The following FASN variants were observed in gnomAD, a reference collection of about 807,000 sequenced individuals.
FASN encodes the protein fatty acid synthase.
Under a neutral mutation model 250.0 loss-of-function variants are expected in FASN, and 50 were observed. The ratio of observed to expected loss-of-function variants is 0.20; its 90% confidence interval spans 0.16 to 0.25. FASN has a LOEUF of 0.25. Ranked by LOEUF, FASN falls within the 10% of genes least tolerant of loss-of-function variation. FASN has a pLI of 1.00. For synonymous variants in FASN, 1,909 were observed against 1,584.0 expected, an observed-to-expected ratio of 1.21 and a Z score of -4.87; for missense variants, 3,031 against 3,498.5, an observed-to-expected ratio of 0.87 and a Z score of 3.37.
chr17:82,085,580 G>A lies in FASN; in HGVS notation c.4024C>T (p.Leu1342=). Residue 1342 remains leucine, a synonymous_variant, in exon 23 of 43, where the codon CTG becomes TTG. Coordinates refer to ENST00000306749, the MANE Select transcript of FASN (RefSeq NM_004104.5). ...CCCCGGAGCAGTGTGTGCAGGAGCA[G>A]AAAGCCCCCTTCTCTCAGGGCAGCC... ...MVAALREGGF[L]LLHTLLRGHP... The A allele has an allele frequency of 6.3e-7, 1 of 1,596,770 alleles. No homozygotes were observed. Among genetic ancestry groups the A allele is most frequent in the Non-Finnish European group, 8.5e-7 (1 of 1,172,478 alleles).
At chr17:82,096,550 G>T in intron 1 of FASN, 98 bp from the exon 2 acceptor site, 1 of 1,569,564 alleles carries the variant, frequency 6.4e-7, no homozygotes, top group South Asian at 1.1e-5. Context: ...ATGGGGCCAA[G>T]CACCACCCTG....
At position 82,088,252 on chromosome 17, in the gene FASN, G is replaced by T. The variant is rs200281530; in HGVS notation, c.2649C>A (p.Arg883=). 6.2e-7 allele frequency: 1 copy of T among 1,607,198 alleles called. No homozygotes were observed. Among genetic ancestry groups the T allele is most frequent in the South Asian group, 1.1e-5 (1 of 91,082 alleles). ...GGTAGCCAGTGGCGGGGAAGAGGAC[G>T]CGACCGTCGAGGGTGTGGTCCACCA... ...HYLVDHTLDG[R]VLFPATGYLS... Residue 883 remains arginine (R), a synonymous_variant, in exon 17 of 43, where the codon CGC becomes CGA. Transcript: ENST00000306749.
In FASN at chr17:82,092,126, G is replaced by C. The variant is rs958810402; in HGVS notation, c.1029+329C>G. On this transcript the variant is annotated intron_variant, in intron 8 of 42. Transcript: ENST00000306749. ...GTAGGGACGGGTGGGCGACACGGGA[G>C]ACCCTGATGGTGCCGTGGACCCCCC... 4.6e-5 allele frequency among the ~76,000 whole-genome samples: 7 copies of C among 152,210 alleles called. No individual in the cohort carries two copies. The Middle Eastern group carries it at 0.01, about 222-fold the overall frequency.
At chr17:82,091,133 C>A in intron 9 of FASN, 64 bp from the exon 10 acceptor site, 2 of 1,604,808 alleles carry the variant, frequency 1.2e-6, no homozygotes, top group Non-Finnish European at 1.7e-6. Context: ...CCATCCCCGT[C>A]CCAGAGAGCA....
Position 82,085,881 on chromosome 17 carries a change from G to GTGAA in FASN, c.3733-14_3733-11dup. ...CGTGGCCAGCCAGCACCTGTAGGGG[G>GTGAA]TGAATTCTGGAATCAGCCCCACACC... is the stretch of plus-strand genomic sequence containing the variant. On this transcript the variant is annotated splice_polypyrimidine_tract_variant and intron_variant, in intron 22 of 42. Coordinates refer to ENST00000306749, the MANE Select transcript of FASN (RefSeq NM_004104.5). The GTGAA allele has an allele frequency of 6.6e-7, 1 of 1,525,924 alleles. No individual in the cohort carries two copies. The allele number at this position is 1,525,924 out of a possible 1,614,324, so 94.5% of individuals were successfully genotyped here.
rs1031448244 is a variant in FASN, at chr17:82,081,272, G to A, written c.6487C>T (p.Arg2163Cys). The change falls in exon 38 of 43, where the codon CGC (arginine) becomes TGC (cysteine). Residue 2163 changes from arginine to cysteine, a missense_variant. Transcript: ENST00000306749. ...TTGAGCTCACGCTCCAGCGTCTGGC[G>A]CACCTCCACGCTCATGAGCGAGTCC... ...GLDSLMSVEV[R>C]QTLERELNLV... 3.8e-6 allele frequency: 6 copies of A among 1,566,872 alleles called. No homozygotes were observed. The highest frequency in any genetic ancestry group is 1.7e-4 in the Middle Eastern group (1 of 5,782).
At position 82,080,707 on chromosome 17, in the gene FASN, G is replaced by A. The variant is rs374300909; in HGVS notation, c.6811C>T (p.Leu2271=). ...CCGGGAGTACCTCGGGTGCACTGCAGGCCATAGGTGGGGATGCTGAGCCGG... is the reference window on the plus strand; with the variant it reads ...CCGGGAGTACCTCGGGTGCACTGCAAGCCATAGGTGGGGATGCTGAGCCGG... ...ASRLSIPTYG[L]QCTRAAPLDS... is the part of the protein sequence containing the mutation. The change falls in exon 39 of 43, where the codon CTG becomes TTG. Residue 2271 remains leucine (L), a synonymous_variant. Coordinates refer to ENST00000306749, the MANE Select transcript of FASN (RefSeq NM_004104.5). 16 of 1,594,932 alleles carry A rather than the reference G, an allele frequency of 1.0e-5. No individual in the cohort carries two copies. Among genetic ancestry groups the A allele is most frequent in the Non-Finnish European group, 1.4e-5 (16 of 1,172,060 alleles).
chr17:82,081,847 T>TG lies in FASN; in HGVS notation c.6164-5dup, dbSNP rs2033993708. 1 of 1,543,496 alleles carries TG rather than the reference T, an allele frequency of 6.5e-7. No individual in the cohort carries two copies. Among genetic ancestry groups the TG allele is most frequent in the African/African-American group, 1.5e-5 (1 of 67,548 alleles). On this transcript the variant is annotated splice_region_variant and splice_polypyrimidine_tract_variant and intron_variant, in intron 36 of 42. Coordinates refer to ENST00000306749, the MANE Select transcript of FASN (RefSeq NM_004104.5). Reference sequence around the variant, plus strand: ...GCGCCCCACTGCACGGCCAGGCCTGTGGGGGAGGGGGCAGGTGGGCAGAGC... The same window carrying TG: ...GCGCCCCACTGCACGGCCAGGCCTGTGGGGGGAGGGGGCAGGTGGGCAGAGC...
chr17:82,079,169 G>A lies in FASN; in HGVS notation c.7510C>T (p.Pro2504Ser). 4.3e-6 allele frequency: 7 copies of A among 1,612,636 alleles called. No individual in the cohort carries two copies. The highest frequency in any genetic ancestry group is 5.9e-6 in the Non-Finnish European group (7 of 1,179,932). The change falls in exon 43 of 43, where the codon CCA becomes TCA. Residue 2504 changes from proline to serine, a missense_variant. Transcript: ENST00000306749. ...ISIIHSSLAEPRVSVREG is the reference protein window; with the variant it reads ...ISIIHSSLAESRVSVREG Reference sequence around the variant, plus strand: ...TAGCCCTCCCGCACGCTCACGCGTGGCTCAGCCAGGGAGCTGTGGATGATG... The same window carrying A: ...TAGCCCTCCCGCACGCTCACGCGTGACTCAGCCAGGGAGCTGTGGATGATG...
chr17:82,085,705 G>T lies in FASN; in HGVS notation c.3899C>A (p.Ala1300Glu). The T allele has an allele frequency of 6.4e-7, 1 of 1,567,574 alleles. No individual in the cohort carries two copies. Residue 1300 changes from alanine to glutamate, a missense_variant, in exon 23 of 43, where the codon GCA (alanine) becomes GAA (glutamate). Physicochemically the swap from Ala to Glu is moderately radical, Grantham distance 107. Transcript: ENST00000306749. The stretch of plus-strand genomic sequence containing the variant: ...GCCCAGGGCGCTGGGGGCAGGGTCT[G>T]CGGGATCCCACTGGCCCTGGGCAAC... Reference protein sequence around the residue: ...HDVAQGQWDPADPAPSALGSA... With the variant: ...HDVAQGQWDPEDPAPSALGSA...
At position 82,093,664 on chromosome 17, in the gene FASN, A is replaced by G. The variant is rs1166779187; in HGVS notation, c.388T>C (p.Tyr130His). 6.2e-7 allele frequency: 1 copy of G among 1,612,778 alleles called. No individual in the cohort carries two copies. The highest frequency in any genetic ancestry group is 2.2e-5 in the East Asian group (1 of 44,874). ...GCTCGCTGGCAGCCCACCATGCTGT[A>G]GCCCACGAGTGTCTCGGGGTCTCGG... ...LSRDPETLVGYSMVGCQRAMM... is the reference protein window; with the variant it reads ...LSRDPETLVGHSMVGCQRAMM... The change falls in exon 4 of 43, where the codon TAC becomes CAC. Residue 130 changes from tyrosine to histidine, a missense_variant. By Grantham distance (83) the Tyr-to-His change is moderately conservative. Transcript: ENST00000306749.
In FASN at chr17:82,085,070, G is replaced by A. The variant is rs756613742; in HGVS notation, c.4374C>T (p.Asn1458=). The change falls in exon 25 of 43, where the codon AAC becomes AAT. Residue 1458 remains asparagine, a synonymous_variant. Transcript: ENST00000306749. ...TCCCGCCGGGCTCTCGGCGGAGACA[G>A]TTCACCAAGCCCACCACGCCCGAGG... ...CATSGVVGLV[N]CLRREPGGNR... is the part of the protein sequence containing the mutation. 1 of 1,612,484 alleles carries A rather than the reference G, an allele frequency of 6.2e-7. No individual in the cohort carries two copies. Among genetic ancestry groups the A allele is most frequent in the Non-Finnish European group, 8.5e-7 (1 of 1,179,816 alleles).
At chr17:82,081,468 C>T (rs1424700178) in intron 37 of FASN, 116 bp from the exon 38 acceptor site, 3 of 1,578,236 alleles carry the variant, frequency 1.9e-6, no homozygotes, top group Non-Finnish European at 8.6e-7. Flanking sequence ...ACCACCACCA[C>T]AGTGACACCT....
chr17:82,083,152 C>T, intron 32 of FASN, 37 bp from the exon 33 acceptor site: 1 of 1,610,926 alleles, frequency 6.2e-7, no homozygotes, highest in Non-Finnish European at 8.5e-7. Context: ...CAGGCACTGC[C>T]TGGGGACCAG....
In FASN at chr17:82,085,338, TAGA is replaced by T; in HGVS notation, c.4184_4186del (p.Phe1395del). ...GCGGCACAGGAAGAGCGTGGAGCCG[TAGA>T]AGGACTTCTTCAGGCCCACCAGGCG... On this transcript the variant is annotated inframe_deletion, in exon 24 of 43. Coordinates refer to ENST00000306749, the MANE Select transcript of FASN (RefSeq NM_004104.5). The T allele has an allele frequency of 1.2e-6, 2 of 1,611,576 alleles. No homozygotes were observed. Among genetic ancestry groups the T allele is most frequent in the Non-Finnish European group, 1.7e-6 (2 of 1,179,566 alleles).
At chr17:82,086,996 G>A (rs1357098181) in intron 21 of FASN, 54 bp downstream of exon 21, 1 of 1,590,582 alleles carries the variant, frequency 6.3e-7, no homozygotes, top group Non-Finnish European at 8.6e-7. Flanking sequence ...GTGAGGGGAG[G>A]CGATCGCTCC....
intron 34 of FASN, 37 bp downstream of exon 34, chr17:82,082,490 G>C: frequency 6.2e-7 from 1 of 1,610,446 alleles, no homozygotes; most frequent in Middle Eastern, 1.6e-4. Flanking sequence ...CCTTGGTCTT[G>C]GGGCTTTTGA....
chr17:82,082,782 G>GC (rs1054942739), intron 33 of FASN, 104 bp from the exon 34 acceptor site: 10 of 1,550,452 alleles, frequency 6.4e-6, no homozygotes, highest in African/African-American at 4.1e-5. Flanking sequence ...CATCCAGCAA[G>GC]CCCCCCACAA....
Position 82,090,470 on chromosome 17 carries a change from C to G in FASN, c.1775G>C (p.Gly592Ala). The G allele has an allele frequency of 6.2e-7, 1 of 1,607,394 alleles. No individual in the cohort carries two copies. ...GACGGCCTCCTCCTGGGACAGGCAG[C>G]CGTCGGCGTAGCCACAGGCCACCTC... ...LGEVACGYAD[G>A]CLSQEEAVLA... Residue 592 changes from glycine to alanine, a missense_variant, in exon 11 of 43, where the codon GGC becomes GCC. By Grantham distance (60) the Gly-to-Ala change is moderately conservative. Transcript: ENST00000306749.
Sources: gnomAD v4.1 joint callset for allele counts (sites outside exome capture counted in the v4.1 genomes callset) on GRCh38, gnomAD v4.1.1 for gene constraint, MANE v1.5 for transcripts, NCBI Gene and HGNC (gene_info 2026-07-23, HGNC 2026-07-21) for gene names.